APBB2: variants seen among roughly 807,000 people sequenced by gnomAD.
APBB2 encodes the protein amyloid beta precursor protein binding family B member 2.
In APBB2, 38 loss-of-function variants were observed where a neutral mutation model predicts 82.5. The observed-to-expected ratio is 0.46, with a 90% CI of 0.36 to 0.60. The LOEUF (loss-of-function observed/expected upper bound fraction) is 0.60, where lower values mean the gene tolerates loss of function less well. Among genes scored for constraint, APBB2 ranks in the 20% least tolerant of loss-of-function variants. APBB2 has a pLI of 0.00. For synonymous variants in APBB2, 341 were observed against 368.2 expected, an observed-to-expected ratio of 0.93 and a Z score of 0.85; for missense variants, 772 against 972.3, an observed-to-expected ratio of 0.79 and a Z score of 2.74.
chr4:41,012,312 A>C (rs918887650), intron 6 of APBB2, among the ~76,000 whole-genome samples: 1 of 152,240 alleles, frequency 6.6e-6, no homozygotes, highest in Non-Finnish European at 1.5e-5. Flanking sequence ...GGAGTCTTTC[A>C]TGTATTAATA....
At chr4:41,021,423 TAAATGCACCAATCAGCACTCTGTAA>T (rs894404992) in intron 5 of APBB2, among the ~76,000 whole-genome samples, 8 of 152,080 alleles carry the variant, frequency 5.3e-5, no homozygotes, top group Non-Finnish European at 8.8e-5. Context: ...TAGAGGATTG[TAAATGCACCAATCAGCACTCTGTAA>T]AAATGCACCA....
intron 6 of APBB2, among the ~76,000 whole-genome samples, chr4:41,000,814 T>G (rs1007151360): frequency 1.3e-5 from 2 of 152,026 alleles, no homozygotes; most frequent in Non-Finnish European, 2.9e-5. Context: ...GTGTTCTGCA[T>G]AGAGTCCATT....
At chr4:40,997,214 CTG>C (rs1803873891) in intron 6 of APBB2, among the ~76,000 whole-genome samples, 1 of 152,132 alleles carries the variant, frequency 6.6e-6, no homozygotes, top group African/African-American at 2.4e-5. Context: ...GCATTTGAGA[CTG>C]ATTTCCCATC....
chr4:40,900,424 C>G (rs1774935441), intron 10 of APBB2, among the ~76,000 whole-genome samples: 1 of 147,332 alleles, frequency 6.8e-6, no homozygotes, highest in Non-Finnish European at 1.5e-5. Flanking sequence ...CACTGAGGCA[C>G]AAACATGGGT....
intron 3 of APBB2, among the ~76,000 whole-genome samples, chr4:41,073,170 C>A (rs1173675857): frequency 6.6e-6 from 1 of 152,172 alleles, no homozygotes; most frequent in South Asian, 2.1e-4. Flanking sequence ...ATTATTTCCA[C>A]AGAACATTCT....
chr4:40,981,490 C>T (rs781390778), intron 6 of APBB2, among the ~76,000 whole-genome samples: 21 of 152,164 alleles, frequency 1.4e-4, no homozygotes, highest in Non-Finnish European at 2.6e-4. Context: ...TTACATTTTC[C>T]CCACTAATAT....
chr4:41,004,138 C>T lies in APBB2; in HGVS notation c.835+9445G>A, dbSNP rs187220063. Among the ~76,000 whole-genome samples, 204 of 151,234 alleles carry T rather than the reference C, an allele frequency of 1.3e-3. 1 individual carries two copies. The highest frequency in any genetic ancestry group is 4.6e-3 in the African/African-American group (191 of 41,160). ...TTCACCATGTTGGCCAGACTGGTCT[C>T]GAACTCCTGACCTCAAATGGTCTAC... On this transcript the variant is annotated intron_variant, in intron 6 of 17. Transcript: ENST00000508593.
chr4:40,950,150 C>G (rs767992448), intron 6 of APBB2, among the ~76,000 whole-genome samples: 14 of 152,192 alleles, frequency 9.2e-5, no homozygotes, highest in Non-Finnish European at 1.8e-4. Context: ...CCTTCCATAC[C>G]TGTCAGCTCG....
chr4:41,153,846 A>G (rs1386641460), intron 1 of APBB2, among the ~76,000 whole-genome samples: 1 of 152,090 alleles, frequency 6.6e-6, no homozygotes, highest in Non-Finnish European at 1.5e-5. Flanking sequence ...TTTGAATTTT[A>G]TTGGTTTTGT....
At chr4:40,966,899 C>T (rs918709135) in intron 6 of APBB2, among the ~76,000 whole-genome samples, 5 of 152,170 alleles carry the variant, frequency 3.3e-5, no homozygotes, top group East Asian at 3.9e-4. Flanking sequence ...ACAGTGAAAC[C>T]GCACCTTCAG....
intron 4 of APBB2, among the ~76,000 whole-genome samples, chr4:41,033,820 T>C (rs866998408): frequency 1.4e-4 from 22 of 152,098 alleles, no homozygotes; most frequent in African/African-American, 5.1e-4. Context: ...AAGAAAAATA[T>C]GAACAAGTCT....
chr4:40,960,021 C>A (rs1488231929), intron 6 of APBB2, among the ~76,000 whole-genome samples: 1 of 151,980 alleles, frequency 6.6e-6, no homozygotes, highest in Admixed American at 6.6e-5. Flanking sequence ...CCATCCTATT[C>A]GTTAAGTGTA....
chr4:41,052,867 G>A (rs948345476), intron 4 of APBB2, among the ~76,000 whole-genome samples: 10 of 151,390 alleles, frequency 6.6e-5, no homozygotes, highest in Admixed American at 1.3e-4. Flanking sequence ...GGGTTCAAGC[G>A]ATTCTTCTGC....
At chr4:41,142,799 G>A (rs1381767264) in intron 2 of APBB2, among the ~76,000 whole-genome samples, 188 bp downstream of exon 2, 1 of 152,128 alleles carries the variant, frequency 6.6e-6, no homozygotes, top group Non-Finnish European at 1.5e-5. Flanking sequence ...GAGAAGGAAA[G>A]GAAGACATCA....
rs1744919517 is a variant in APBB2, at chr4:40,813,752, G to T, written c.*2340C>A. ...AAAATGAAGAGGGAGTTCTGGTAGA[G>T]ATTTCCAATATAAAAGTGGGTAATT... On this transcript the variant is annotated 3_prime_UTR_variant, in exon 18 of 18. Transcript: ENST00000508593. The T allele has an allele frequency of 6.6e-6, 1 of 152,178 alleles. No homozygotes were observed. The highest frequency in any genetic ancestry group is 6.5e-5 in the Admixed American group (1 of 15,276). 9.4% of individuals were successfully genotyped at this position (152,178 alleles called of 1,614,324 possible).
chr4:40,982,581 G>A (rs949646670), intron 6 of APBB2, among the ~76,000 whole-genome samples: 4 of 151,602 alleles, frequency 2.6e-5, no homozygotes, highest in Non-Finnish European at 4.4e-5. Context: ...CCAGCCTGGG[G>A]ACCACAGTGA....
chr4:40,986,753 C>T (rs1477233445), intron 6 of APBB2, among the ~76,000 whole-genome samples: 1 of 152,236 alleles, frequency 6.6e-6, no homozygotes, highest in East Asian at 1.9e-4. Flanking sequence ...AAGTCCCTTA[C>T]ACAGCCCTCG....
At chr4:40,827,061 A>T in intron 14 of APBB2, 71 bp downstream of exon 14, 1 of 1,396,298 alleles carries the variant, frequency 7.2e-7, no homozygotes. Context: ...CCAGAGAACC[A>T]TCTGAGAGCC....
At chr4:41,008,061 C>T (rs1470930670) in intron 6 of APBB2, among the ~76,000 whole-genome samples, 1 of 152,164 alleles carries the variant, frequency 6.6e-6, no homozygotes, top group Non-Finnish European at 1.5e-5. Context: ...TGGAAAGATC[C>T]CCTAAAATAT....
Sources: gnomAD v4.1 joint callset for allele counts (sites outside exome capture counted in the v4.1 genomes callset) on GRCh38, gnomAD v4.1.1 for gene constraint, MANE v1.5 for transcripts, NCBI Gene and HGNC (gene_info 2026-07-23, HGNC 2026-07-21) for gene names.